Variants in SECISBP2 observed in about 807,000 individuals in gnomAD.
SECISBP2 encodes the protein selenocysteine insertion sequence-binding protein 2.
SECISBP2 carries 96 observed loss-of-function variants against 98.2 expected under a neutral mutation model. The observed-to-expected ratio is 0.98, with a 90% CI of 0.83 to 1.16. The LOEUF (loss-of-function observed/expected upper bound fraction) is 1.16, where lower values mean the gene tolerates loss of function less well. Among genes scored for constraint, SECISBP2 ranks in the 50% most tolerant of loss-of-function variants. The probability of loss-of-function intolerance (pLI) is 0.00; values close to 1 mark genes in which losing one functional copy is unlikely to be tolerated. For missense variants in SECISBP2, 1,046 were observed against 1,022.9 expected (o/e 1.02, Z -0.31); for synonymous variants, 407 against 370.2 (o/e 1.10, Z -1.14).
At position 89,357,473 on chromosome 9, in the gene SECISBP2, G is replaced by T. The variant is rs759031484; in HGVS notation, c.2176G>T (p.Val726Leu). The change falls in exon 15 of 17, where the codon GTG becomes TTG. Residue 726 changes from valine to leucine, a missense_variant. Val to Leu is a conservative substitution (Grantham distance 32, BLOSUM62 1). Coordinates refer to ENST00000375807, the MANE Select transcript of SECISBP2 (RefSeq NM_024077.5). ...DYACEQNIPF[V>L]FALNRKALGR... ...TGCCTGTGAGCAGAACATTCCCTTT[G>T]TGTTTGCTCTCAACCGCAAAGCTCT... The T allele has an allele frequency of 3.1e-6, 5 of 1,614,162 alleles. No homozygotes were observed. The highest frequency in any genetic ancestry group is 4.2e-6 in the Non-Finnish European group (5 of 1,180,034).
At chr9:89,336,942 T>C (rs1828842353) in intron 7 of SECISBP2, among the ~76,000 whole-genome samples, 2 of 152,080 alleles carry the variant, frequency 1.3e-5, no homozygotes, top group Non-Finnish European at 2.9e-5. Context: ...TGGCTAATTT[T>C]TGTATTGTTT....
chr9:89,357,217 T>C, intron 14 of SECISBP2, 194 bp from the exon 15 acceptor site: 1 of 650,214 alleles, frequency 1.5e-6, no homozygotes, highest in Non-Finnish European at 2.7e-6. Flanking sequence ...GCTGTGTGTT[T>C]TCTTTCCATT....
At chr9:89,348,012 T>C (rs1830683693) in intron 11 of SECISBP2, 67 bp from the exon 12 acceptor site, 2 of 1,486,098 alleles carry the variant, frequency 1.3e-6, no homozygotes, top group Admixed American at 3.9e-5. Context: ...GGCAGTTTAA[T>C]TTGCAGAAGA....
At chr9:89,336,081 CTTTTTTTTTTTTT>C (rs59799418) in intron 7 of SECISBP2, among the ~76,000 whole-genome samples, 6 of 33,062 alleles carry the variant, frequency 1.8e-4, no homozygotes, top group East Asian at 7.4e-4. Context: ...ATTTTAAGTG[CTTTTTTTTTTTTT>C]TTTTTTTTTT....
chr9:89,328,240 C>G (rs1219833651), intron 4 of SECISBP2, among the ~76,000 whole-genome samples: 4 of 152,182 alleles, frequency 2.6e-5, no homozygotes, highest in African/African-American at 9.7e-5. Context: ...TTTTATATGC[C>G]TGTTAGCTCA....
intron 2 of SECISBP2, chr9:89,324,685 T>A (rs981890813): frequency 6.6e-6 from 1 of 152,560 alleles, no homozygotes; most frequent in African/African-American, 2.4e-5. Context: ...CTCCGGAAAT[T>A]AACAGAAACA....
chr9:89,357,620 G>A lies in SECISBP2; in HGVS notation c.2268+55G>A, dbSNP rs542797701. The A allele has an allele frequency of 6.0e-5, 97 of 1,607,796 alleles. 5 individuals are homozygous for A. The South Asian group carries it at 1.1e-3, about 18-fold the overall frequency. On this transcript the variant is annotated intron_variant, in intron 15 of 16. Coordinates refer to ENST00000375807, the MANE Select transcript of SECISBP2 (RefSeq NM_024077.5). ...TCACTGCCCGTGGGAGGAAGTGGGG[G>A]CAGGTGGTCAGTGTGGGCTCACCCA...
downstream of SECISBP2, chr9:89,363,911 C>T (rs763212635): frequency 1.5e-5 from 25 of 1,613,986 alleles, no homozygotes; most frequent in Admixed American, 5.0e-5. Flanking sequence ...CTCCAGAGCT[C>T]GCCCATTCTT....
chr9:89,345,543 A>T (rs1307060267), intron 10 of SECISBP2, among the ~76,000 whole-genome samples: 4 of 152,108 alleles, frequency 2.6e-5, no homozygotes, highest in Non-Finnish European at 4.4e-5. Context: ...GGCTGATATG[A>T]CTGTGTTTGG....
At chr9:89,339,282 ACAT>A (rs1225974857) in intron 8 of SECISBP2, among the ~76,000 whole-genome samples, 1 of 152,220 alleles carries the variant, frequency 6.6e-6, no homozygotes. Flanking sequence ...GGCTCTTAGA[ACAT>A]CATTTGAGAA....
rs887018928 is a variant in SECISBP2 at position 89,357,947 on chromosome 9, C to T, written c.2269-52C>T. On this transcript the variant is annotated intron_variant, in intron 15 of 16. Coordinates refer to ENST00000375807, the MANE Select transcript of SECISBP2 (RefSeq NM_024077.5). ...GTGGCCATTGCTGAGTTTGAGGGAC[C>T]CGTGTCCTCTGTAGCTGGGATGTTA... The T allele has an allele frequency of 8.8e-6, 14 of 1,596,456 alleles. No homozygotes were observed. In the Middle Eastern group the frequency reaches 1.8e-3, roughly 204 times the overall value.
At chr9:89,329,355 A>G (rs1009967730) in intron 5 of SECISBP2, 37 of 177,576 alleles carry the variant, frequency 2.1e-4, no homozygotes, top group East Asian at 1.1e-3. Context: ...AGCTAAGGCA[A>G]TCCGCCTGCC....
At chr9:89,324,140 C>G (rs1486784093) in intron 2 of SECISBP2, 1 of 152,168 alleles carries the variant, frequency 6.6e-6, no homozygotes, top group African/African-American at 2.4e-5. Flanking sequence ...ACACTTGCCC[C>G]CCACTAGCTT....
rs1263247803 is a variant in SECISBP2, at chr9:89,357,412, T to C, written c.2115T>C (p.Gly705=). 1 of 1,614,140 alleles carries C rather than the reference T, an allele frequency of 6.2e-7. No homozygotes were observed. The highest frequency in any genetic ancestry group is 8.5e-7 in the Non-Finnish European group (1 of 1,180,044). ...CATTTTTCATTGTCCTTTGACCAGGTGGGCTGGATGACACTTTGCACACAA... is the reference window on the plus strand; with the variant it reads ...CATTTTTCATTGTCCTTTGACCAGGCGGGCTGGATGACACTTTGCACACAA... ...SPNCEKIQSK[G]GLDDTLHTII... The change falls in exon 15 of 17, where the codon GGT becomes GGC. Residue 705 remains glycine, a splice_region_variant and synonymous_variant. Transcript: ENST00000375807.
chr9:89,344,272 T>G (rs1192008441), intron 10 of SECISBP2, among the ~76,000 whole-genome samples: 1 of 152,242 alleles, frequency 6.6e-6, no homozygotes, highest in African/African-American at 2.4e-5. Context: ...GTCTGTTCAC[T>G]CTGATGATGG....
rs1588028150 is a variant in SECISBP2 at position 89,358,036 on chromosome 9, C to T, written c.2306C>T (p.Ala769Val). The change falls in exon 16 of 17, where the codon GCC becomes GTC. Residue 769 changes from alanine to valine, a missense_variant. Transcript: ENST00000375807. ...FHKMVELTVA[A>V]RQAYKTMLEN... is the part of the protein sequence containing the mutation. ...AAGATGGTTGAGCTGACAGTGGCGG[C>T]CCGACAGGCGTACAAGACCATGCTG... 1.2e-6 allele frequency: 2 copies of T among 1,613,454 alleles called. No homozygotes were observed. Among genetic ancestry groups the T allele is most frequent in the Admixed American group, 3.3e-5 (2 of 60,030 alleles).
chr9:89,332,725 G>T, intron 5 of SECISBP2, 183 bp from the exon 6 acceptor site: 1 of 627,116 alleles, frequency 1.6e-6, no homozygotes, highest in Non-Finnish European at 2.8e-6. Flanking sequence ...TAAGAGTATG[G>T]TTAGTTTTGT....
At chr9:89,362,882 G>T (rs1475044652), downstream of SECISBP2, among the ~76,000 whole-genome samples, 1 of 152,212 alleles carries the variant, frequency 6.6e-6, no homozygotes, top group Non-Finnish European at 1.5e-5. Context: ...AGGAGCCGGG[G>T]CTGGACAACT....
intron 14 of SECISBP2, among the ~76,000 whole-genome samples, chr9:89,356,129 G>A (rs76538257): frequency 6.6e-6 from 1 of 152,296 alleles, no homozygotes; most frequent in South Asian, 2.1e-4. Flanking sequence ...GAGCATTACT[G>A]CCTGAGCTCT....
Sources: gnomAD v4.1 joint callset for allele counts (sites outside exome capture counted in the v4.1 genomes callset) on GRCh38, gnomAD v4.1.1 for gene constraint, MANE v1.5 for transcripts, NCBI Gene and HGNC (gene_info 2026-07-23, HGNC 2026-07-21) for gene names.